Variants in FYN observed in about 807,000 individuals in gnomAD.
FYN encodes FYN proto-oncogene, Src family tyrosine kinase, also known as tyrosine-protein kinase Fyn.
In FYN, 10 loss-of-function variants were observed where a neutral mutation model predicts 70.2. The observed-to-expected ratio is 0.14, with a 90% CI of 0.09 to 0.24. FYN has a LOEUF of 0.24. Ranked by LOEUF, FYN falls within the 10% of genes least tolerant of loss-of-function variation. FYN has a pLI of 1.00. For synonymous variants in FYN, 236 were observed against 248.6 expected, an observed-to-expected ratio of 0.95 and a Z score of 0.48; for missense variants, 319 against 673.1, an observed-to-expected ratio of 0.47 and a Z score of 5.82.
chr6:111,798,962 A>G lies in FYN; in HGVS notation c.-81-18327T>C, dbSNP rs141816635. On this transcript the variant is annotated intron_variant, in intron 2 of 13. Coordinates refer to ENST00000354650, the MANE Select transcript of FYN (RefSeq NM_002037.5). Reference sequence around the variant, plus strand: ...TTTCTTCCTCAGAATATCCAGATTAACAATTACAGAAATGAACACCCATGT... The same window carrying G: ...TTTCTTCCTCAGAATATCCAGATTAGCAATTACAGAAATGAACACCCATGT... Among the ~76,000 whole-genome samples, 1,007 of 152,336 alleles carry G rather than the reference A, an allele frequency of 6.6e-3. 10 individuals are homozygous for G. Among genetic ancestry groups the G allele is most frequent in the Middle Eastern group, 0.037 (11 of 294 alleles).
intron 1 of FYN, among the ~76,000 whole-genome samples, chr6:111,847,038 T>C (rs970861394): frequency 1.3e-5 from 2 of 152,194 alleles, no homozygotes; most frequent in African/African-American, 4.8e-5. Context: ...ATTTACCTCT[T>C]GGATTAAAAC....
chr6:111,754,882 A>G (rs928111943), intron 3 of FYN, among the ~76,000 whole-genome samples: 3 of 152,170 alleles, frequency 2.0e-5, no homozygotes, highest in Admixed American at 1.3e-4. Flanking sequence ...TAACAGTAAT[A>G]CGATGTTAAA....
chr6:111,662,582 TGTA>T (rs1429615515), intron 13 of FYN, among the ~76,000 whole-genome samples: 1 of 152,236 alleles, frequency 6.6e-6, no homozygotes, highest in African/African-American at 2.4e-5. Context: ...TTTTATTGTG[TGTA>T]GATTATACTT....
intron 2 of FYN, among the ~76,000 whole-genome samples, chr6:111,823,741 G>C (rs1413084759): frequency 6.6e-6 from 1 of 152,030 alleles, no homozygotes; most frequent in African/African-American, 2.4e-5. Context: ...ACTATTACAA[G>C]TGTTAAAATA....
At chr6:111,679,511 T>C (rs1253362849) in intron 12 of FYN, among the ~76,000 whole-genome samples, 1 of 152,162 alleles carries the variant, frequency 6.6e-6, no homozygotes, top group Non-Finnish European at 1.5e-5. Flanking sequence ...AGAAAGCACT[T>C]GATAAACAGG....
At chr6:111,720,808 T>C (rs1800900533) in intron 3 of FYN, among the ~76,000 whole-genome samples, 1 of 152,114 alleles carries the variant, frequency 6.6e-6, no homozygotes, top group East Asian at 1.9e-4. Context: ...ATCATTCCCA[T>C]GTTACAGAGT....
At chr6:111,791,810 C>T (rs1253375169) in intron 2 of FYN, among the ~76,000 whole-genome samples, 1 of 152,134 alleles carries the variant, frequency 6.6e-6, no homozygotes, top group Admixed American at 6.5e-5. Flanking sequence ...TTATAATAGC[C>T]TAGGAAATGA....
rs201964404 is a variant in FYN, at chr6:111,694,350, G to A, written c.1273+25C>T. 650 of 1,613,070 alleles carry A rather than the reference G, an allele frequency of 4.0e-4. 2 individuals carry two copies. The highest frequency in any genetic ancestry group is 7.9e-5 in the Non-Finnish European group (93 of 1,179,316). ...TGACTGTTCTCACAGCTGTGATCAC[G>A]AGCCATTGTCATTCAAGTGCCCACC... On this transcript the variant is annotated intron_variant, in intron 12 of 13. Transcript: ENST00000354650. The surrounding 1 kb of genome is among the most constrained non-coding windows in gnomAD (Gnocchi z 5.0).
At chr6:111,672,932 C>A (rs1211978732) in intron 13 of FYN, among the ~76,000 whole-genome samples, 1 of 152,178 alleles carries the variant, frequency 6.6e-6, no homozygotes, top group African/African-American at 2.4e-5. Flanking sequence ...CCCCCACCTC[C>A]ACCCCTTTGT....
At chr6:111,665,217 T>C (rs182299406) in intron 13 of FYN, among the ~76,000 whole-genome samples, 21 of 152,366 alleles carry the variant, frequency 1.4e-4, no homozygotes, top group African/African-American at 4.3e-4. Flanking sequence ...TTGCGTGTTA[T>C]GTCAGTGCTC....
rs1773541037 is a variant in FYN at position 111,846,753 on chromosome 6, ATTT to A, written c.-122-127_-122-125del. The A allele has an allele frequency of 3.8e-5, 15 of 396,778 alleles. No individual in the cohort carries two copies. The East Asian group carries it at 5.0e-4, about 13-fold the overall frequency. 24.6% of individuals were successfully genotyped at this position (396,778 alleles called of 1,614,324 possible). A position where few individuals can be genotyped will look rare whatever the true frequency, so the allele number is the denominator to read the frequency against. On this transcript the variant is annotated intron_variant, in intron 1 of 13. Transcript: ENST00000354650. ...TTGCAGACAATCAATTTGCCCACAA[ATTT>A]TTTATCATTCACACAATTGTTGCTA...
At chr6:111,833,742 G>A (rs896519565) in intron 2 of FYN, among the ~76,000 whole-genome samples, 5 of 152,124 alleles carry the variant, frequency 3.3e-5, no homozygotes, top group African/African-American at 1.2e-4. Flanking sequence ...AATGTCAAGT[G>A]GTACAACCAC....
intron 1 of FYN, among the ~76,000 whole-genome samples, chr6:111,853,471 C>T (rs1227975262): frequency 1.3e-5 from 2 of 151,980 alleles, no homozygotes; most frequent in Non-Finnish European, 2.9e-5. Context: ...GTGTATGTTC[C>T]CTGGAAGCTT....
intron 1 of FYN, among the ~76,000 whole-genome samples, chr6:111,850,552 C>T (rs1185630041): frequency 6.6e-6 from 1 of 152,240 alleles, no homozygotes; most frequent in African/African-American, 2.4e-5. Flanking sequence ...TCCACAGGGA[C>T]AAGTGCTCCT....
rs779753167 is a variant in FYN at position 111,719,794 on chromosome 6, T to C, written c.247+11A>G. 5 of 1,612,608 alleles carry C rather than the reference T, an allele frequency of 3.1e-6. No homozygotes were observed. The highest frequency in any genetic ancestry group is 1.1e-5 in the South Asian group (1 of 91,020). On this transcript the variant is annotated intron_variant, in intron 4 of 13. Transcript: ENST00000354650. ...GCCCCCTCTCTGCACTCTGTGACTTTGGGGGCTTACCTGTTCCTCCTCTCG... is the reference window on the plus strand; with the variant it reads ...GCCCCCTCTCTGCACTCTGTGACTTCGGGGGCTTACCTGTTCCTCCTCTCG...
At chr6:111,784,501 T>A (rs1353661542) in intron 2 of FYN, among the ~76,000 whole-genome samples, 1 of 152,192 alleles carries the variant, frequency 6.6e-6, no homozygotes, top group Non-Finnish European at 1.5e-5. Flanking sequence ...CATTTGCACA[T>A]TTCCAACAGC....
intron 3 of FYN, among the ~76,000 whole-genome samples, chr6:111,732,417 G>C (rs1263383223): frequency 6.6e-6 from 1 of 152,196 alleles, no homozygotes; most frequent in Non-Finnish European, 1.5e-5. Flanking sequence ...GTTGCCCTGG[G>C]TCTAAAGGGA....
chr6:111,828,484 T>C (rs980553974), intron 2 of FYN, among the ~76,000 whole-genome samples: 3 of 152,192 alleles, frequency 2.0e-5, no homozygotes, highest in Admixed American at 1.3e-4. Context: ...CTATTCACAA[T>C]AGCCAAAAGG....
intron 3 of FYN, among the ~76,000 whole-genome samples, chr6:111,734,316 C>T (rs1291636095): frequency 1.3e-5 from 2 of 152,154 alleles, no homozygotes; most frequent in African/African-American, 4.8e-5. Flanking sequence ...TCTAAATGCT[C>T]AGATGACCCC....
Sources: allele counts gnomAD v4.1 joint callset (sites outside exome capture counted in the v4.1 genomes callset), GRCh38; gene constraint gnomAD v4.1.1; non-coding constraint Gnocchi (gnomAD v3.1); transcripts MANE v1.5; gene names NCBI Gene and HGNC (gene_info 2026-07-23, HGNC 2026-07-21).